MVB12A: variants seen among roughly 807,000 people sequenced by gnomAD.
MVB12A encodes CIN85/CD2AP family binding protein.
A neutral mutation model predicts 34.3 loss-of-function variants in MVB12A; 30 were observed. The ratio of observed to expected loss-of-function variants is 0.88; its 90% CI spans 0.65 to 1.19. The LOEUF (loss-of-function observed/expected upper bound fraction) is 1.19. Among genes scored for constraint, MVB12A ranks in the 50% most tolerant of loss-of-function variants. MVB12A has a pLI of 0.00. For missense variants in MVB12A, 355 were observed against 369.2 expected (o/e 0.96, Z 0.31); for synonymous variants, 158 against 158.9 (o/e 0.99, Z 0.04).
intron 2 of MVB12A, among the ~76,000 whole-genome samples, chr19:17,412,087 C>T (rs902501924): frequency 1.3e-5 from 2 of 152,158 alleles, no homozygotes; most frequent in Non-Finnish European, 2.9e-5. Context: ...GTGTACAGGA[C>T]GGCCCCCCAC....
Position 17,420,528 on chromosome 19 carries a change from C to T in MVB12A, c.190-10C>T. The T allele has an allele frequency of 6.2e-7, 1 of 1,609,294 alleles. No homozygotes were observed. Among genetic ancestry groups the T allele is most frequent in the Non-Finnish European group, 8.5e-7 (1 of 1,175,606 alleles). On this transcript the variant is annotated splice_polypyrimidine_tract_variant and intron_variant, in intron 2 of 8. Transcript: ENST00000317040. The stretch of plus-strand genomic sequence containing the variant: ...TAGCCACCCTCGCCGTGTCCCCCTT[C>T]CACCCCCAGAACCCGCAGGAGAACG...
upstream of MVB12A, chr19:17,418,878 T>C (rs770044726): frequency 1.9e-4 from 17 of 89,044 alleles, no homozygotes; most frequent in Non-Finnish European, 3.7e-4. Context: ...CTCTTTCTTA[T>C]TGTAAGTCCA....
In MVB12A at chr19:17,423,562, C is replaced by T. The variant is rs570541794; in HGVS notation, c.478C>T (p.Arg160Ter). 3.1e-5 allele frequency: 50 copies of T among 1,614,078 alleles called. No homozygotes were observed. The highest frequency in any genetic ancestry group is 1.4e-4 in the South Asian group (13 of 91,078). The change falls in exon 5 of 9, where the codon CGA becomes TGA. Residue 160 changes from arginine (R) to a stop codon, truncating the protein, a stop_gained. Coordinates refer to ENST00000317040, the MANE Select transcript of MVB12A (RefSeq NM_138401.4). LOFTEE classifies it high-confidence loss of function. ...GGCCCCGAGGCCAGTGCCCAAGCCC[C>T]GAGGTCTCAGCCGGGACATGCAGGG... is the stretch of plus-strand genomic sequence containing the variant. ...AKAPRPVPKP[R>*]GLSRDMQGLS...
At chr19:17,422,500 C>T in intron 4 of MVB12A, 42 bp downstream of exon 4, 1 of 1,571,570 alleles carries the variant, frequency 6.4e-7, no homozygotes, top group East Asian at 2.3e-5. Flanking sequence ...CCCTGCCCTC[C>T]CAACTCATGA....
upstream of MVB12A, chr19:17,419,879 C>G (rs1476666619): frequency 2.8e-6 from 1 of 351,096 alleles, no homozygotes; most frequent in African/African-American, 2.1e-5. Context: ...GCGCGGAAAG[C>G]CGGCAAGACC....
intron 4 of MVB12A, 101 bp downstream of exon 4, chr19:17,422,559 C>A (rs1730044039): frequency 4.3e-6 from 5 of 1,159,060 alleles, no homozygotes; most frequent in East Asian, 2.6e-5. Flanking sequence ...CCTGTTCCTT[C>A]TTCTACCTTC....
intron 3 of MVB12A, 49 bp from the exon 4 acceptor site, chr19:17,422,283 C>T (rs1458432795): frequency 6.3e-7 from 1 of 1,574,908 alleles, no homozygotes; most frequent in South Asian, 1.2e-5. Context: ...TTGGGCCTTC[C>T]CACCCCTGCC....
chr19:17,423,522 G>A lies in MVB12A; in HGVS notation c.438G>A (p.Trp146Ter), dbSNP rs1599608893. Residue 146 changes from tryptophan (W) to a stop codon, truncating the protein, a stop_gained, in exon 5 of 9, where the codon TGG becomes TGA. Transcript: ENST00000317040. LOFTEE classifies it high-confidence loss of function. ...RIGDMGGFAI[W>*]CKKAKAPRPV... is the part of the protein sequence containing the mutation. ...GGGACATGGGCGGCTTTGCCATCTG[G>A]TGCAAGAAGGCCAAGGCCCCGAGGC... 6.2e-7 allele frequency: 1 copy of A among 1,613,322 alleles called. No homozygotes were observed. The highest frequency in any genetic ancestry group is 8.5e-7 in the Non-Finnish European group (1 of 1,180,010).
At chr19:17,419,074 T>C (rs2074819634), upstream of MVB12A, 1 of 152,120 alleles carries the variant, frequency 6.6e-6, no homozygotes, top group African/African-American at 2.4e-5. Flanking sequence ...AAATTCCTTC[T>C]CTTAAAAGAA....
Position 17,410,500 on chromosome 19 carries a change from A to ATATGTG in MVB12A, c.-5+4207_-5+4208insGTGTAT, listed in dbSNP as rs1456475854. Among the ~76,000 whole-genome samples, 71 of 44,156 alleles carry ATATGTG rather than the reference A, an allele frequency of 1.6e-3. 7 individuals carry two copies. Among genetic ancestry groups the ATATGTG allele is most frequent in the Middle Eastern group, 9.4e-3 (1 of 106 alleles). 29.0% of individuals were successfully genotyped at this position (44,156 alleles called of 152,430 possible). A position where few individuals can be genotyped will look rare whatever the true frequency, so the allele number is the denominator to read the frequency against. On this transcript the variant is annotated intron_variant, in intron 2 of 6. Transcript: ENST00000528604. Reference sequence around the variant, plus strand: ...AGCATTCTTTTGGTTTTAGCTTCATATATATATATATATATATATATATAT... The same window carrying ATATGTG: ...AGCATTCTTTTGGTTTTAGCTTCATATATGTGTATATATATATATATATATATATAT...
chr19:17,409,258 G>A (rs928427192), intron 2 of MVB12A, among the ~76,000 whole-genome samples: 1 of 151,560 alleles, frequency 6.6e-6, no homozygotes, highest in East Asian at 1.9e-4. Flanking sequence ...AGCCTCCTGA[G>A]TAGCTGGGAC....
At chr19:17,420,946 C>CT (rs1254524578) in intron 3 of MVB12A, 4 of 582,072 alleles carry the variant, frequency 6.9e-6, no homozygotes, top group Non-Finnish European at 1.3e-5. Flanking sequence ...GCGCAGTTTT[C>CT]TTTTTCATTT....
upstream of MVB12A, chr19:17,416,971 G>A: frequency 3.7e-6 from 1 of 269,076 alleles, no homozygotes; most frequent in South Asian, 3.5e-5. Context: ...GGGATTACAG[G>A]AGTGAGCCAT....
At chr19:17,418,463 G>A (rs1372863473), upstream of MVB12A, among the ~76,000 whole-genome samples, 2 of 150,914 alleles carry the variant, frequency 1.3e-5, no homozygotes, top group East Asian at 3.9e-4. Flanking sequence ...CGCGATCTCA[G>A]CTCATTGCAA....
intron 2 of MVB12A, among the ~76,000 whole-genome samples, chr19:17,410,593 C>CATATATATATACACATAT (rs1164686465): frequency 3.2e-5 from 4 of 126,036 alleles, no homozygotes; most frequent in African/African-American, 1.4e-4. Context: ...TATATACACA[C>CATATATATATACACATAT]ATATATATAT....
upstream of MVB12A, chr19:17,417,084 C>T: frequency 2.5e-6 from 1 of 397,738 alleles, no homozygotes; most frequent in Non-Finnish European, 5.0e-6. Context: ...GGACCCTTTG[C>T]ACCGTCAAAC....
chr19:17,406,964 T>C (rs1465104755), intron 2 of MVB12A, among the ~76,000 whole-genome samples: 2 of 152,172 alleles, frequency 1.3e-5, no homozygotes, highest in Non-Finnish European at 2.9e-5. Context: ...GACCTTTGCC[T>C]GACTTATTTG....
Position 17,422,317 on chromosome 19 carries a change from A to AC in MVB12A, c.287-9dup. 1 of 1,602,868 alleles carries AC rather than the reference A, an allele frequency of 6.2e-7. No individual in the cohort carries two copies. The highest frequency in any genetic ancestry group is 8.5e-7 in the Non-Finnish European group (1 of 1,174,112). ...CCTGGCTTCCCTCTCTCACTCCCCTACCCCCCACTCCCAGAGGCCTCTGTG... is the reference window on the plus strand; with the variant it reads ...CCTGGCTTCCCTCTCTCACTCCCCTACCCCCCCACTCCCAGAGGCCTCTGTG... On this transcript the variant is annotated splice_polypyrimidine_tract_variant and intron_variant, in intron 3 of 8. Transcript: ENST00000317040.
At chr19:17,406,436 C>T (rs113407320) in intron 2 of MVB12A, 9 of 152,348 alleles carry the variant, frequency 5.9e-5, no homozygotes, top group Non-Finnish European at 1.2e-4. Flanking sequence ...TGGGCATGAC[C>T]GCTGAAAGGG....
Sources: allele counts gnomAD v4.1 joint callset (sites outside exome capture counted in the v4.1 genomes callset), GRCh38; gene constraint gnomAD v4.1.1; transcripts MANE v1.5; gene names NCBI Gene and HGNC (gene_info 2026-07-23, HGNC 2026-07-21).